UNC13C: variants seen among roughly 807,000 people sequenced by gnomAD.
UNC13C encodes protein unc-13 homolog C.
UNC13C carries 174 observed loss-of-function variants against 245.4 expected under a neutral mutation model. The ratio of observed to expected loss-of-function variants is 0.71; its 90% CI spans 0.63 to 0.80. The LOEUF (loss-of-function observed/expected upper bound fraction) is 0.80, where lower values mean the gene tolerates loss of function less well. UNC13C is among the 30% of genes least tolerant of loss of function. The pLI, the probability that UNC13C is intolerant of heterozygous loss-of-function variation, is 0.00. For missense variants in UNC13C, 2,829 were observed against 2,602.9 expected, an observed-to-expected ratio of 1.09 and a Z score of -1.89; for synonymous variants, 992 against 895.1, an observed-to-expected ratio of 1.11 and a Z score of -1.93.
the UNC13C span, among the ~76,000 whole-genome samples, chr15:53,871,370 T>C: frequency 6.6e-6 from 1 of 152,322 alleles, no homozygotes; most frequent in Non-Finnish European, 1.5e-5. Context: ...AACTTCTCCT[T>C]CTTACTTAGG....
chr15:54,123,432 G>A (rs1897075), intron 2 of UNC13C, among the ~76,000 whole-genome samples: 57,191 of 150,956 alleles, frequency 0.38, 10,969 homozygotes, highest in African/African-American at 0.41. Flanking sequence ...TTTTTTCTTA[G>A]TATATTTCTT....
At chr15:53,867,853 C>T in the UNC13C span, among the ~76,000 whole-genome samples, 8 of 152,040 alleles carry the variant, frequency 5.3e-5, no homozygotes, top group African/African-American at 1.9e-4. Context: ...TTTTTTGAGA[C>T]AGGATCTTGC....
At chr15:54,058,599 T>G (rs1330745655) in intron 2 of UNC13C, among the ~76,000 whole-genome samples, 1 of 152,216 alleles carries the variant, frequency 6.6e-6, no homozygotes, top group African/African-American at 2.4e-5. Flanking sequence ...GAATCCTCCC[T>G]AACTCATTTT....
At chr15:54,424,618 A>C (rs1567260467) in intron 19 of UNC13C, among the ~76,000 whole-genome samples, 1 of 151,884 alleles carries the variant, frequency 6.6e-6, no homozygotes, top group African/African-American at 2.4e-5. Context: ...GTGTTATGCT[A>C]TCAAGAGAAT....
In UNC13C at chr15:54,131,766, T is replaced by G. The variant is rs149897697; in HGVS notation, c.2984-11252T>G. Among the ~76,000 whole-genome samples, 302 of 152,308 alleles carry G rather than the reference T, an allele frequency of 2.0e-3. 1 individual carries two copies. The highest frequency in any genetic ancestry group is 7.0e-3 in the African/African-American group (293 of 41,576). ...CCTATAAAATATGTAAGGACTTTTG[T>G]GTTAGAACCTTATTCACTCTCCTTT... On this transcript the variant is annotated intron_variant, in intron 2 of 32. Coordinates refer to ENST00000260323, the MANE Select transcript of UNC13C (RefSeq NM_001080534.3).
chr15:54,123,617 G>T (rs2030830241), intron 2 of UNC13C, among the ~76,000 whole-genome samples: 1 of 152,034 alleles, frequency 6.6e-6, no homozygotes, highest in Non-Finnish European at 1.5e-5. Context: ...AAGTTATAGA[G>T]ATAGTAGAGA....
At chr15:54,109,653 T>C (rs973811738) in intron 2 of UNC13C, among the ~76,000 whole-genome samples, 1 of 152,024 alleles carries the variant, frequency 6.6e-6, no homozygotes, top group Non-Finnish European at 1.5e-5. Context: ...ACAAACTATA[T>C]TTTCTAATAC....
At chr15:54,481,814 A>C (rs1023545539) in intron 19 of UNC13C, among the ~76,000 whole-genome samples, 3 of 152,148 alleles carry the variant, frequency 2.0e-5, no homozygotes, top group Non-Finnish European at 4.4e-5. Context: ...TGGGGATGCC[A>C]GCAGTGGCAG....
chr15:54,485,077 GA>G (rs921412942), intron 19 of UNC13C, among the ~76,000 whole-genome samples: 5 of 149,282 alleles, frequency 3.3e-5, no homozygotes, highest in East Asian at 2.0e-4. Flanking sequence ...TTTTAATACA[GA>G]AAAAAAAATG....
At chr15:54,435,697 C>CAAT (rs1338223146) in intron 19 of UNC13C, among the ~76,000 whole-genome samples, 1 of 150,344 alleles carries the variant, frequency 6.7e-6, no homozygotes, top group East Asian at 2.0e-4. Context: ...CAAAACTGCA[C>CAAT]GTTAGGCACA....
intron 13 of UNC13C, among the ~76,000 whole-genome samples, chr15:54,314,119 G>A (rs867488185): frequency 4.0e-5 from 6 of 151,316 alleles, no homozygotes; most frequent in East Asian, 2.0e-4. Flanking sequence ...AATAAAGAGC[G>A]GAATGGTGAT....
intron 4 of UNC13C, among the ~76,000 whole-genome samples, chr15:54,221,371 C>A (rs2035220027): frequency 6.6e-6 from 1 of 151,752 alleles, no homozygotes; most frequent in Non-Finnish European, 1.5e-5. Flanking sequence ...AATATTCATT[C>A]AGTGTTGACA....
rs187689131 is a variant in UNC13C, at chr15:53,984,048, T to C, written c.-257+5121T>C. ...GAATCTTCCAATTGTTTTATCTGTA[T>C]GATTCTTTTCTCTGAGCATCTGTTC... On this transcript the variant is annotated intron_variant, in intron 1 of 32. Transcript: ENST00000260323. Among the ~76,000 whole-genome samples, 75 of 152,222 alleles carry C rather than the reference T, an allele frequency of 4.9e-4. 1 individual carries two copies. Among genetic ancestry groups the C allele is most frequent in the African/African-American group, 1.8e-3 (73 of 41,554 alleles).
chr15:54,306,687 A>G (rs1465880150), intron 13 of UNC13C, among the ~76,000 whole-genome samples: 1 of 152,034 alleles, frequency 6.6e-6, no homozygotes, highest in Non-Finnish European at 1.5e-5. Context: ...TGTAACATGA[A>G]GGCTAAGATG....
At chr15:53,932,553 A>G in the UNC13C span, among the ~76,000 whole-genome samples, 41 of 152,176 alleles carry the variant, frequency 2.7e-4, no homozygotes, top group Non-Finnish European at 4.1e-4. Context: ...GCAATTAGAC[A>G]TACTAATTTT....
chr15:54,139,224 C>T (rs951963373), intron 2 of UNC13C, among the ~76,000 whole-genome samples: 4 of 150,988 alleles, frequency 2.6e-5, no homozygotes, highest in Non-Finnish European at 4.4e-5. Context: ...TCCCAAAGTC[C>T]TGGGATTACA....
chr15:54,191,157 C>T (rs774954803), intron 4 of UNC13C, among the ~76,000 whole-genome samples: 5 of 152,050 alleles, frequency 3.3e-5, no homozygotes, highest in Non-Finnish European at 5.9e-5. Context: ...CCCATCAACC[C>T]GTCATCTACA....
chr15:54,092,180 G>C (rs763218638), intron 2 of UNC13C, among the ~76,000 whole-genome samples: 1 of 152,084 alleles, frequency 6.6e-6, no homozygotes, highest in African/African-American at 2.4e-5. Context: ...TCCTTAGCTG[G>C]GGCTGCACAG....
Position 54,297,818 on chromosome 15 carries a change from G to C in UNC13C, c.3996G>C (p.Arg1332Ser). ...EMDVWYNLEK[R>S]TDKSAVSGAI... ...GCCTTTTTGCTTTATCAGAGAAAAGGACAGATAAGTCAGCTGTATCTGGGG... is the reference window on the plus strand; with the variant it reads ...GCCTTTTTGCTTTATCAGAGAAAAGCACAGATAAGTCAGCTGTATCTGGGG... The change falls in exon 12 of 33, where the codon AGG becomes AGC. Residue 1332 changes from arginine to serine, a missense_variant. By Grantham distance (110) the Arg-to-Ser change is moderately radical (BLOSUM62 -1). Transcript: ENST00000260323. 2 of 1,604,514 alleles carry C rather than the reference G, an allele frequency of 1.2e-6. No individual in the cohort carries two copies. The highest frequency in any genetic ancestry group is 1.7e-6 in the Non-Finnish European group (2 of 1,174,564).
Sources: gnomAD v4.1 joint callset for allele counts (sites outside exome capture counted in the v4.1 genomes callset) on GRCh38, gnomAD v4.1.1 for gene constraint, MANE v1.5 for transcripts, NCBI Gene and HGNC (gene_info 2026-07-23, HGNC 2026-07-21) for gene names.